EFCAB7: variants seen among roughly 807,000 people sequenced by gnomAD.
The protein encoded by EFCAB7 is EF-hand calcium binding domain 7, also known as EF-hand calcium-binding domain-containing protein 7.
EFCAB7 carries 66 observed loss-of-function variants against 77.1 expected under a neutral mutation model. That is an observed-to-expected ratio of 0.86 (90% CI 0.70 to 1.05). The LOEUF is 1.05. Among genes scored for constraint, EFCAB7 ranks in the 50% least tolerant of loss-of-function variants. The pLI is 0.00. For synonymous variants in EFCAB7, 225 were observed against 243.3 expected (o/e 0.92, Z 0.70); for missense variants, 638 against 730.5 (o/e 0.87, Z 1.46).
rs200855986 is a variant in EFCAB7 at position 63,557,095 on chromosome 1, G to C, written c.1215-19G>C. The C allele has an allele frequency of 5.2e-6, 8 of 1,536,866 alleles. No individual in the cohort carries two copies. The East Asian group carries it at 1.9e-4, about 36-fold the overall frequency. ...TTGCCTTAGTGACAAGAAATAACTAGCTATTTTTATAATTTTAGGTCTACT... is the reference window on the plus strand; with the variant it reads ...TTGCCTTAGTGACAAGAAATAACTACCTATTTTTATAATTTTAGGTCTACT... On this transcript the variant is annotated intron_variant, in intron 9 of 13. Transcript: ENST00000371088.
At position 63,534,083 on chromosome 1, in the gene EFCAB7, T is replaced by A; in HGVS notation, c.683-12T>A. 6.2e-7 allele frequency: 1 copy of A among 1,612,640 alleles called. No homozygotes were observed. Among genetic ancestry groups the A allele is most frequent in the Non-Finnish European group, 8.5e-7 (1 of 1,179,228 alleles). ...TCATAATGTCAGACCAAATAATCAT[T>A]ACTTGTTGCAGGTGACACCAGGAGT... On this transcript the variant is annotated splice_polypyrimidine_tract_variant and intron_variant, in intron 5 of 13. Coordinates refer to ENST00000371088, the MANE Select transcript of EFCAB7 (RefSeq NM_032437.4).
At chr1:63,564,743 C>T (rs953423445) in intron 11 of EFCAB7, among the ~76,000 whole-genome samples, 3 of 151,878 alleles carry the variant, frequency 2.0e-5, no homozygotes, top group Non-Finnish European at 2.9e-5. Context: ...AAAAAGAGCC[C>T]GAATAGCCAA....
the EFCAB7 span, among the ~76,000 whole-genome samples, chr1:63,578,210 A>C: frequency 4.6e-5 from 7 of 152,302 alleles, no homozygotes; most frequent in African/African-American, 1.7e-4. Context: ...TGAAAATTTA[A>C]GGTATTTTCT....
chr1:63,531,061 C>CTA (rs1162728560), intron 2 of EFCAB7, among the ~76,000 whole-genome samples: 2 of 152,074 alleles, frequency 1.3e-5, no homozygotes, highest in Admixed American at 1.3e-4. Context: ...TTAATGCTAA[C>CTA]TATAGTCACC....
At chr1:63,572,723 C>CT, downstream of EFCAB7, 1 of 889,064 alleles carries the variant, frequency 1.1e-6, no homozygotes, top group Non-Finnish European at 1.4e-6. Flanking sequence ...AGTAGGAAAT[C>CT]TTTTTCTTTT....
At chr1:63,559,947 T>A (rs1647075614) in intron 10 of EFCAB7, among the ~76,000 whole-genome samples, 1 of 136,276 alleles carries the variant, frequency 7.3e-6, no homozygotes, top group African/African-American at 3.0e-5. Flanking sequence ...AGTCTTGGAG[T>A]CAAGTGTTAA....
chr1:63,560,705 A>C (rs1647088932), intron 10 of EFCAB7, among the ~76,000 whole-genome samples: 1 of 151,998 alleles, frequency 6.6e-6, no homozygotes, highest in Non-Finnish European at 1.5e-5. Context: ...TATTTTTAGT[A>C]GAGATGGGGT....
chr1:63,540,710 T>C (rs1646818400), intron 6 of EFCAB7, among the ~76,000 whole-genome samples: 1 of 152,198 alleles, frequency 6.6e-6, no homozygotes. Flanking sequence ...ACAAGATAAA[T>C]TTCAGTAAGT....
rs570453055 is a variant in EFCAB7, at chr1:63,572,632, A to G, written c.*116A>G. The G allele has an allele frequency of 8.0e-6, 9 of 1,126,338 alleles. No homozygotes were observed. Among genetic ancestry groups the G allele is most frequent in the East Asian group, 6.9e-5 (2 of 29,120 alleles). The allele number at this position is 1,126,338 out of a possible 1,614,324, so 69.8% of individuals were successfully genotyped here. On this transcript the variant is annotated 3_prime_UTR_variant, in exon 14 of 14. Coordinates refer to ENST00000371088, the MANE Select transcript of EFCAB7 (RefSeq NM_032437.4). ...CTAAATAATAATCTATTCAATTTAT[A>G]TGCATTTTCATTTTATGTCCATGGT... is the stretch of plus-strand genomic sequence containing the variant.
chr1:63,565,082 C>G (rs1400836636), intron 11 of EFCAB7, among the ~76,000 whole-genome samples: 1 of 152,186 alleles, frequency 6.6e-6, no homozygotes, highest in East Asian at 1.9e-4. Context: ...TGTGATGGCT[C>G]ACGCCTGTAA....
rs576677357 is a variant in EFCAB7, at chr1:63,530,253, C to T, written c.188-1567C>T. 8.5e-5 allele frequency among the ~76,000 whole-genome samples: 13 copies of T among 152,190 alleles called. No individual in the cohort carries two copies. The South Asian group carries it at 1.7e-3, about 19-fold the overall frequency. ...CTTATTACATTAAATTGTACAATAT[C>T]CAGATTATCATTTTTTGATGCTGAT... On this transcript the variant is annotated intron_variant, in intron 2 of 13. Transcript: ENST00000371088.
At chr1:63,528,672 A>G (rs913663683) in intron 2 of EFCAB7, among the ~76,000 whole-genome samples, 5 of 152,164 alleles carry the variant, frequency 3.3e-5, no homozygotes, top group African/African-American at 1.2e-4. Context: ...CTCATATTAT[A>G]CACCTACTAT....
chr1:63,575,675 C>G (rs1460281918), downstream of EFCAB7, among the ~76,000 whole-genome samples: 1 of 152,016 alleles, frequency 6.6e-6, no homozygotes, highest in Non-Finnish European at 1.5e-5. Context: ...CCTTGTTTTT[C>G]TGGGCTCAGG....
chr1:63,562,449 T>TATA (rs1647115778), intron 11 of EFCAB7, among the ~76,000 whole-genome samples: 36 of 22,422 alleles, frequency 1.6e-3, no homozygotes, highest in African/African-American at 4.0e-3. Flanking sequence ...CTTAATTTAT[T>TATA]TATATATATA....
Position 63,568,533 on chromosome 1 carries a change from G to A in EFCAB7, c.1707+14G>A, listed in dbSNP as rs1209815828. 1 of 1,595,696 alleles carries A rather than the reference G, an allele frequency of 6.3e-7. No homozygotes were observed. The stretch of plus-strand genomic sequence containing the variant: ...ATTGAAAACAAGGTATCAATTATGA[G>A]GTGGTTTTCCTCATTTTGCTACAAA... On this transcript the variant is annotated intron_variant, in intron 12 of 13. Coordinates refer to ENST00000371088, the MANE Select transcript of EFCAB7 (RefSeq NM_032437.4).
At chr1:63,570,629 A>G (rs781638537) in intron 12 of EFCAB7, 4 of 153,676 alleles carry the variant, frequency 2.6e-5, no homozygotes, top group Non-Finnish European at 4.3e-5. Context: ...GAAGGAGTAA[A>G]AAGATGTTTT....
chr1:63,541,790 T>C (rs9436687), intron 6 of EFCAB7, among the ~76,000 whole-genome samples: 11,342 of 152,094 alleles, frequency 0.075, 1,392 homozygotes, highest in African/African-American at 0.26. Context: ...CTTGAACTCT[T>C]GACCTCAGGT....
chr1:63,575,701 A>G (rs921740038), downstream of EFCAB7, among the ~76,000 whole-genome samples: 3 of 151,816 alleles, frequency 2.0e-5, no homozygotes, highest in Non-Finnish European at 4.4e-5. Context: ...CTTCCATCTC[A>G]GCCTTCCGAG....
intron 10 of EFCAB7, among the ~76,000 whole-genome samples, chr1:63,557,816 C>G (rs972132665): frequency 3.3e-5 from 5 of 152,134 alleles, no homozygotes; most frequent in Non-Finnish European, 7.3e-5. Context: ...GACATACTTG[C>G]ATATTTAAGC....
Sources: gnomAD v4.1 joint callset for allele counts (sites outside exome capture counted in the v4.1 genomes callset) on GRCh38, gnomAD v4.1.1 for gene constraint, MANE v1.5 for transcripts, NCBI Gene and HGNC (gene_info 2026-07-23, HGNC 2026-07-21) for gene names.